Variants in ADAMTS10 observed in about 807,000 individuals in gnomAD.
ADAMTS10 encodes ADAM metallopeptidase with thrombospondin type 1 motif 10.
In ADAMTS10, 48 loss-of-function variants were observed where a neutral mutation model predicts 135.9. The ratio of observed to expected loss-of-function variants is 0.35; its 90% confidence interval spans 0.28 to 0.45. ADAMTS10 has a LOEUF of 0.45. ADAMTS10 is among the 20% of genes least tolerant of loss of function. The pLI is 1.00. For synonymous variants in ADAMTS10, 621 were observed against 647.5 expected (o/e 0.96, Z 0.62); for missense variants, 1,131 against 1,565.2 (o/e 0.72, Z 4.68).
Position 8,596,614 on chromosome 19 carries a change from G to A in ADAMTS10, c.1041-29C>T, listed in dbSNP as rs1205480218. ...TAAAAGGAGACAGGGTCAGTGAGGG[G>A]GCTGGGCTGTCTCCCTAAGCCCTGC... On this transcript the variant is annotated intron_variant, in intron 8 of 25. Transcript: ENST00000597188. The surrounding 1 kb of genome is among the most constrained non-coding windows in gnomAD (Gnocchi z 7.2). 1.2e-6 allele frequency: 2 copies of A among 1,611,202 alleles called. No individual in the cohort carries two copies. Among genetic ancestry groups the A allele is most frequent in the East Asian group, 4.5e-5 (2 of 44,876 alleles).
chr19:8,592,474 A>G (rs1555739284), intron 13 of ADAMTS10, among the ~76,000 whole-genome samples: 4 of 151,778 alleles, frequency 2.6e-5, no homozygotes, highest in African/African-American at 7.3e-5. Context: ...GAGAGCAAAC[A>G]GTAGGCGTGG....
chr19:8,581,603 G>A (rs937336611), intron 25 of ADAMTS10, among the ~76,000 whole-genome samples: 2 of 152,092 alleles, frequency 1.3e-5, no homozygotes, highest in African/African-American at 2.4e-5. Context: ...GGGAGGCCGA[G>A]GCAGGTGGAT....
intron 12 of ADAMTS10, 64 bp downstream of exon 12, chr19:8,595,698 T>TGCCC: frequency 9.3e-6 from 12 of 1,291,942 alleles, no homozygotes; most frequent in East Asian, 3.2e-5. Flanking sequence ...CTGGTGGAGT[T>TGCCC]CCCTCCCCCA....
rs373213602 is a variant in ADAMTS10, at chr19:8,601,362, CTTTTTT to C, written c.593-223_593-218del. On this transcript the variant is annotated intron_variant, in intron 5 of 25. Coordinates refer to ENST00000597188, the MANE Select transcript of ADAMTS10 (RefSeq NM_030957.4). This position sits in a 1 kb window ranked among gnomAD's most constrained non-coding sequence, Gnocchi z 4.6. ...CAAACACCTCATCGTTTTTCTTATT[CTTTTTT>C]TTTTTTTTTTTGAGACGGAGTATCA... is the stretch of plus-strand genomic sequence containing the variant. Among the ~76,000 whole-genome samples the C allele has an allele frequency of 7.3e-6, 1 of 136,882 alleles. No homozygotes were observed. The highest frequency in any genetic ancestry group is 1.6e-5 in the Non-Finnish European group (1 of 63,774). The allele number at this position is 136,882 out of a possible 152,430, so 89.8% of individuals were successfully genotyped here. A position where few individuals can be genotyped will look rare whatever the true frequency, so the allele number is the denominator to read the frequency against.
rs1555737077 is a variant in ADAMTS10 at position 8,586,151 on chromosome 19, G to GC, written c.2630dup (p.Ala878ArgfsTer78). ...GAGGGCAAGGCTCCGTGTTGCAGGC[G>GC]CGCTGCCTTTTGGGCAGCTTGCTGT... On this transcript the variant is annotated frameshift_variant, in exon 22 of 26. Coordinates refer to ENST00000597188, the MANE Select transcript of ADAMTS10 (RefSeq NM_030957.4). LOFTEE classifies it high-confidence loss of function. 6.2e-7 allele frequency: 1 copy of GC among 1,613,098 alleles called. No individual in the cohort carries two copies. The highest frequency in any genetic ancestry group is 8.5e-7 in the Non-Finnish European group (1 of 1,180,002).
At chr19:8,589,401 A>AACCCCCCC in intron 17 of ADAMTS10, 36 bp from the exon 18 acceptor site, 8 of 1,599,364 alleles carry the variant, frequency 5.0e-6, no homozygotes, top group Admixed American at 1.7e-5. Context: ...CGACCCCCTA[A>AACCCCCCC]CCCACCCCCG....
rs1555740064 is a variant in ADAMTS10 at position 8,596,029 on chromosome 19, C to T, written c.1337+44G>A. 6.2e-7 allele frequency: 1 copy of T among 1,614,006 alleles called. No homozygotes were observed. The highest frequency in any genetic ancestry group is 8.5e-7 in the Non-Finnish European group (1 of 1,179,930). On this transcript the variant is annotated intron_variant, in intron 11 of 25. Transcript: ENST00000597188. The surrounding 1 kb of genome is among the most constrained non-coding windows in gnomAD (Gnocchi z 7.2). ...TCGTCTCCCGTGTACCCTGCCCCAC[C>T]ATGAGTGTGACCCGCTCTGAGGGAC...
rs2042326489 is a variant in ADAMTS10, at chr19:8,580,393, T to TC, written c.*499dup. On this transcript the variant is annotated 3_prime_UTR_variant, in exon 26 of 26. Coordinates refer to ENST00000597188, the MANE Select transcript of ADAMTS10 (RefSeq NM_030957.4). The stretch of plus-strand genomic sequence containing the variant: ...GCAGGGCAGAGGTTGGGGTGGATCC[T>TC]CCCCCTAGTCAGGTCAGGGGAGGGT... 1 of 160,002 alleles carries TC rather than the reference T, an allele frequency of 6.2e-6. No individual in the cohort carries two copies. The highest frequency in any genetic ancestry group is 2.5e-5 in the African/African-American group (1 of 40,584). The allele number at this position is 160,002 out of a possible 1,614,324, so 9.9% of individuals were successfully genotyped here.
In ADAMTS10 at chr19:8,585,511, T is replaced by C. The variant is rs782603993; in HGVS notation, c.2810A>G (p.Glu937Gly). 134 of 1,550,948 alleles carry C rather than the reference T, an allele frequency of 8.6e-5. No individual in the cohort carries two copies. The highest frequency in any genetic ancestry group is 1.2e-4 in the Non-Finnish European group (134 of 1,147,304). ...ACPQPRPPVL[E>G]ACHGPTCPPE... ...AGGGCAAGTGGGGCCGTGGCAGGCC[T>C]CCAGTACAGGTGGGCGCGGCTGCGG... Residue 937 changes from glutamate (E) to glycine (G), a missense_variant, in exon 23 of 26, where the codon GAG (glutamate) becomes GGG (glycine). Transcript: ENST00000597188.
At position 8,601,244 on chromosome 19, in the gene ADAMTS10, C is replaced by T; in HGVS notation, c.593-99G>A. On this transcript the variant is annotated intron_variant, in intron 5 of 25. Coordinates refer to ENST00000597188, the MANE Select transcript of ADAMTS10 (RefSeq NM_030957.4). This position sits in a 1 kb window ranked among gnomAD's most constrained non-coding sequence, Gnocchi z 4.6. ...CAACCTCTGACTGGCTACCTCTCTA[C>T]CCAACAGTCTGGACAGACAATTTCT... 3 of 1,318,484 alleles carry T rather than the reference C, an allele frequency of 2.3e-6. No individual in the cohort carries two copies. Among genetic ancestry groups the T allele is most frequent in the South Asian group, 1.3e-5 (1 of 79,814 alleles). 81.7% of individuals were successfully genotyped at this position (1,318,484 alleles called of 1,614,324 possible). A position where few individuals can be genotyped will look rare whatever the true frequency, so the allele number is the denominator to read the frequency against.
At chr19:8,590,525 C>G (rs1555738680) in intron 15 of ADAMTS10, among the ~76,000 whole-genome samples, 1 of 152,142 alleles carries the variant, frequency 6.6e-6, no homozygotes. Flanking sequence ...GTGACACAAT[C>G]TCGGCTCACT....
chr19:8,592,162 T>A (rs1555739150), intron 13 of ADAMTS10, 59 bp from the exon 14 acceptor site: 1 of 1,612,004 alleles, frequency 6.2e-7, no homozygotes, highest in Non-Finnish European at 8.5e-7. Context: ...GTCGGCCCCA[T>A]GCACCGTTCC....
Position 8,600,981 on chromosome 19 carries a change from C to T in ADAMTS10, c.757G>A (p.Ala253Thr). 6.2e-7 allele frequency: 1 copy of T among 1,614,146 alleles called. No individual in the cohort carries two copies. The highest frequency in any genetic ancestry group is 8.5e-7 in the Non-Finnish European group (1 of 1,180,038). Residue 253 changes from alanine to threonine, a missense_variant, in exon 6 of 26, where the codon GCC becomes ACC. This residue lies in a region of ADAMTS10 where 80 missense variants were observed against 164.4 expected (regional missense o/e 0.49). Coordinates refer to ENST00000597188, the MANE Select transcript of ADAMTS10 (RefSeq NM_030957.4). ...TLVVADKMMV[A>T]YHGRRDVEQY... ...TCCACATCCCGGCGCCCGTGATAGG[C>T]CACCATCATCTTGTCAGCCACCACC... is the stretch of plus-strand genomic sequence containing the variant.
In ADAMTS10 at chr19:8,596,330, G is replaced by A; in HGVS notation, c.1167C>T (p.Thr389=). 1 of 1,612,914 alleles carries A rather than the reference G, an allele frequency of 6.2e-7. No individual in the cohort carries two copies. The highest frequency in any genetic ancestry group is 8.5e-7 in the Non-Finnish European group (1 of 1,179,886). ...NEDIGLATAF[T]IAHEIGHTFG... ...ACGTGTGCCCGATCTCGTGGGCAAT[G>A]GTGAACGCTGTGGCCAGGCCAATGT... The change falls in exon 10 of 26, where the codon ACC becomes ACT. Residue 389 remains threonine, a synonymous_variant. Transcript: ENST00000597188. The surrounding 1 kb of genome is among the most constrained non-coding windows in gnomAD (Gnocchi z 7.2).
chr19:8,592,393 G>A (rs554522260), intron 13 of ADAMTS10, among the ~76,000 whole-genome samples: 36 of 152,180 alleles, frequency 2.4e-4, no homozygotes, highest in Non-Finnish European at 1.2e-4. Flanking sequence ...GGCTGGGGAG[G>A]GGAGGTCTAC....
In ADAMTS10 at chr19:8,596,014, T is replaced by C. The variant is rs2042599384; in HGVS notation, c.1337+59A>G. 1.9e-6 allele frequency: 3 copies of C among 1,613,802 alleles called. No individual in the cohort carries two copies. In the African/African-American group the frequency reaches 4.0e-5, roughly 22 times the overall value. ...CATCCCTGATTTCTATCGTCTCCCG[T>C]GTACCCTGCCCCACCATGAGTGTGA... On this transcript the variant is annotated intron_variant, in intron 11 of 25. Coordinates refer to ENST00000597188, the MANE Select transcript of ADAMTS10 (RefSeq NM_030957.4). The surrounding 1 kb of genome is among the most constrained non-coding windows in gnomAD (Gnocchi z 7.2).
intron 6 of ADAMTS10, among the ~76,000 whole-genome samples, chr19:8,599,165 G>A (rs62119441): frequency 0.14 from 21,093 of 151,802 alleles, 1,632 homozygotes; most frequent in South Asian, 0.3. Context: ...CAAGAATCTC[G>A]CCTGAGATCT....
rs369328663 is a variant in ADAMTS10, at chr19:8,586,483, G to A, written c.2404-13C>T. 19 of 1,613,450 alleles carry A rather than the reference G, an allele frequency of 1.2e-5. No homozygotes were observed. In the Admixed American group the frequency reaches 1.3e-4, roughly 11 times the overall value. On this transcript the variant is annotated splice_polypyrimidine_tract_variant and intron_variant, in intron 20 of 25. Transcript: ENST00000597188. ...TCCGGGCCAGCACCTGGAGAAAGGG[G>A]GCGGCAGCCAGTGGAAGGATCGCAT...
At chr19:8,602,909 G>A (rs1196412003) in intron 5 of ADAMTS10, among the ~76,000 whole-genome samples, 5 of 152,222 alleles carry the variant, frequency 3.3e-5, no homozygotes, top group Non-Finnish European at 7.3e-5. Context: ...TTACAGGTGT[G>A]AGCCACCATG....
Sources: gnomAD v4.1 joint callset for allele counts (sites outside exome capture counted in the v4.1 genomes callset) on GRCh38, gnomAD v4.1.1 for gene constraint, gnomAD v4.1.1 regional missense constraint, Gnocchi (gnomAD v3.1) non-coding constraint, MANE v1.5 for transcripts, NCBI Gene and HGNC (gene_info 2026-07-23, HGNC 2026-07-21) for gene names.